LMTK3: variants seen among roughly 807,000 people sequenced by gnomAD.
LMTK3 encodes serine/threonine-protein kinase LMTK3.
In LMTK3, 27 loss-of-function variants were observed where a neutral mutation model predicts 116.7. That is an observed-to-expected ratio of 0.23 (90% CI 0.17 to 0.32). LMTK3 has a LOEUF of 0.32. Among genes scored for constraint, LMTK3 ranks in the 10% least tolerant of loss-of-function variants. LMTK3 has a pLI of 1.00. For missense variants in LMTK3, 1,764 were observed against 2,068.5 expected (o/e 0.85, Z 2.86); for synonymous variants, 965 against 971.0 (o/e 0.99, Z 0.11).
chr19:48,499,105 C>T lies in LMTK3; in HGVS notation c.1964G>A (p.Ser655Asn). ...EEGSSPGEDS[S>N]SLGGGPSRRG... is the part of the protein sequence containing the mutation. ...GCGGCTTGGGCCACCTCCAAGGCTG[C>T]TGCTGTCTTCCCCTGGGGAGCTGCC... The change falls in exon 11 of 15, where the codon AGC (serine) becomes AAC (asparagine). Residue 655 changes from serine (S) to asparagine (N), a missense_variant. Ser to Asn is a conservative substitution (Grantham distance 46). Around this residue, in one of 7 missense-constraint regions of LMTK3, gnomAD observed 1,028 missense variants for 1,050.6 expected, o/e 0.98. Coordinates refer to ENST00000600059, the MANE Select transcript of LMTK3 (RefSeq NM_001388485.1). The T allele has an allele frequency of 6.4e-7, 1 of 1,557,840 alleles. No homozygotes were observed. Among genetic ancestry groups the T allele is most frequent in the Non-Finnish European group, 8.6e-7 (1 of 1,156,568 alleles).
In LMTK3 at chr19:48,498,782, G is replaced by A; in HGVS notation, c.2287C>T (p.Pro763Ser). 2.2e-6 allele frequency: 3 copies of A among 1,366,274 alleles called. No homozygotes were observed. Among genetic ancestry groups the A allele is most frequent in the South Asian group, 3.1e-5 (2 of 63,832 alleles). 84.6% of individuals were successfully genotyped at this position (1,366,274 alleles called of 1,614,324 possible). A position where few individuals can be genotyped will look rare whatever the true frequency, so the allele number is the denominator to read the frequency against. Residue 763 changes from proline (P) to serine (S), a missense_variant, in exon 11 of 15, where the codon CCC becomes TCC. Pro to Ser is a moderately conservative substitution (Grantham distance 74). This residue lies in a region of LMTK3 where 1,028 missense variants were observed against 1,050.6 expected (regional missense o/e 0.98). Transcript: ENST00000600059. ...PPPPPPPPRAPADPAASPDPP... is the reference protein window; with the variant it reads ...PPPPPPPPRASADPAASPDPP... ...TCGGGGGACGCGGCCGGGTCCGCGG[G>A]GGCCCGAGGAGGTGGCGGCGGGGGG...
chr19:48,503,789 T>TTCTCTC (rs148406252), intron 5 of LMTK3, among the ~76,000 whole-genome samples: 24 of 149,608 alleles, frequency 1.6e-4, no homozygotes, highest in African/African-American at 5.4e-4. Context: ...ACCTACAGTT[T>TTCTCTC]TCTCTCTCTC....
chr19:48,495,046 G>A (rs1050966644), intron 11 of LMTK3, among the ~76,000 whole-genome samples: 2 of 150,812 alleles, frequency 1.3e-5, no homozygotes, highest in African/African-American at 2.4e-5. Flanking sequence ...TCTTGCTCTC[G>A]TCGCCCAGGC....
Position 48,494,967 on chromosome 19 carries a change from A to G in LMTK3, c.3677-858T>C, listed in dbSNP as rs918163184. Among the ~76,000 whole-genome samples the G allele has an allele frequency of 6.6e-6, 1 of 151,196 alleles. No homozygotes were observed. The highest frequency in any genetic ancestry group is 1.5e-5 in the Non-Finnish European group (1 of 67,866). On this transcript the variant is annotated intron_variant, in intron 11 of 14. Transcript: ENST00000600059. This position sits in a 1 kb window ranked among gnomAD's most constrained non-coding sequence, Gnocchi z 4.0. ...CACACTTTTGTTGACCAGACATCTC[A>G]GGGTGATGGGGTTATGGGCGATGCT...
upstream of LMTK3, among the ~76,000 whole-genome samples, chr19:48,512,648 A>G (rs1159035996): frequency 6.6e-6 from 1 of 152,082 alleles, no homozygotes; most frequent in Non-Finnish European, 1.5e-5. Flanking sequence ...CATCACATAC[A>G]TGAGTACACA....
rs1434425294 is a variant in LMTK3, at chr19:48,493,994, C to T, written c.3792G>A (p.Glu1264=). 1 of 1,081,464 alleles carries T rather than the reference C, an allele frequency of 9.2e-7. No individual in the cohort carries two copies. The highest frequency in any genetic ancestry group is 5.3e-5 in the Admixed American group (1 of 18,934). 67.0% of individuals were successfully genotyped at this position (1,081,464 alleles called of 1,614,324 possible). A position where few individuals can be genotyped will look rare whatever the true frequency, so the allele number is the denominator to read the frequency against. ...GCCCCGGCGCTCCCGCCCCGCCGGCCTCCCCGCCAGCCGCCCCGGCGTCCG... is the reference window on the plus strand; with the variant it reads ...GCCCCGGCGCTCCCGCCCCGCCGGCTTCCCCGCCAGCCGCCCCGGCGTCCG... ...EGADAGAAGG[E]AGGAGAPGPA... The change falls in exon 12 of 15, where the codon GAG becomes GAA. Residue 1264 remains glutamate (E), a synonymous_variant. Coordinates refer to ENST00000600059, the MANE Select transcript of LMTK3 (RefSeq NM_001388485.1).
intron 7 of LMTK3, among the ~76,000 whole-genome samples, chr19:48,502,230 G>A (rs1252040492): frequency 6.8e-5 from 6 of 88,046 alleles, no homozygotes; most frequent in Admixed American, 5.7e-4. Flanking sequence ...ACCTGACCCC[G>A]CCTCCCTCTC....
Position 48,498,420 on chromosome 19 carries a change from C to T in LMTK3, c.2649G>A (p.Arg883=). The T allele has an allele frequency of 6.2e-7, 1 of 1,608,236 alleles. No individual in the cohort carries two copies. The highest frequency in any genetic ancestry group is 2.2e-5 in the East Asian group (1 of 44,630). The stretch of plus-strand genomic sequence containing the variant: ...TCCCCGCCTTCCTGGGTCCTGTCTC[C>T]CGGGCTGTCGCCCCCTTCTCCCCCA... ...NLLGEKGATA[R]ETGPRKAGRG... is the part of the protein sequence containing the mutation. The change falls in exon 11 of 15, where the codon CGG becomes CGA. Residue 883 remains arginine (R), a synonymous_variant. Transcript: ENST00000600059.
Position 48,498,779 on chromosome 19 carries a change from CG to C in LMTK3, c.2289del (p.Ala764ArgfsTer94). 3.4e-6 allele frequency: 1 copy of C among 296,550 alleles called. No individual in the cohort carries two copies. The highest frequency in any genetic ancestry group is 4.7e-6 in the Non-Finnish European group (1 of 213,740). The allele number at this position is 296,550 out of a possible 1,614,324, so 18.4% of individuals were successfully genotyped here. On this transcript the variant is annotated frameshift_variant, in exon 11 of 15. Transcript: ENST00000600059. LOFTEE classifies it high-confidence loss of function. Reference sequence around the variant, plus strand: ...GGGTCGGGGGACGCGGCCGGGTCCGCGGGGGCCCGAGGAGGTGGCGGCGGGG... The same window carrying C: ...GGGTCGGGGGACGCGGCCGGGTCCGCGGGGCCCGAGGAGGTGGCGGCGGGG... The part of the protein sequence containing the change: ...PPPPPPPPRA[P>X]ADPAASPDPP...
Position 48,493,984 on chromosome 19 carries a change from C to A in LMTK3, c.3802G>T (p.Ala1268Ser). Residue 1268 changes from alanine to serine, a missense_variant, in exon 12 of 15, where the codon GCG becomes TCG. By Grantham distance (99) the Ala-to-Ser change is moderately conservative. Transcript: ENST00000600059. The part of the protein sequence containing the change: ...AGAAGGEAGG[A>S]GAPGPAEEDG... ...TCCTCCGCCGGCCCCGGCGCTCCCG[C>A]CCCGCCGGCCTCCCCGCCAGCCGCC... is the stretch of plus-strand genomic sequence containing the variant. 9.4e-7 allele frequency: 1 copy of A among 1,059,046 alleles called. No individual in the cohort carries two copies. The allele number at this position is 1,059,046 out of a possible 1,614,324, so 65.6% of individuals were successfully genotyped here.
At position 48,498,787 on chromosome 19, in the gene LMTK3, CGAG is replaced by C; in HGVS notation, c.2279_2281del (p.Pro760del). 2 of 648,400 alleles carry C rather than the reference CGAG, an allele frequency of 3.1e-6. No homozygotes were observed. Among genetic ancestry groups the C allele is most frequent in the Non-Finnish European group, 3.9e-6 (2 of 512,308 alleles). The allele number at this position is 648,400 out of a possible 1,614,324, so 40.2% of individuals were successfully genotyped here. On this transcript the variant is annotated inframe_deletion, in exon 11 of 15. Coordinates refer to ENST00000600059, the MANE Select transcript of LMTK3 (RefSeq NM_001388485.1). ...GGACGCGGCCGGGTCCGCGGGGGCC[CGAG>C]GAGGTGGCGGCGGGGGGGGGGGAGC... is the stretch of plus-strand genomic sequence containing the variant.
In LMTK3 at chr19:48,498,778, G is replaced by C. The variant is rs1601048801; in HGVS notation, c.2291C>G (p.Ala764Gly). The stretch of plus-strand genomic sequence containing the variant: ...GGGGTCGGGGGACGCGGCCGGGTCC[G>C]CGGGGGCCCGAGGAGGTGGCGGCGG... ...PPPPPPPRAP[A>G]DPAASPDPPS... The change falls in exon 11 of 15, where the codon GCG becomes GGG. Residue 764 changes from alanine (A) to glycine (G), a missense_variant. By Grantham distance (60) the Ala-to-Gly change is moderately conservative. Transcript: ENST00000600059. The C allele has an allele frequency of 1.4e-6, 2 of 1,396,064 alleles. No individual in the cohort carries two copies. Among genetic ancestry groups the C allele is most frequent in the South Asian group, 2.9e-5 (2 of 69,564 alleles). 86.5% of individuals were successfully genotyped at this position (1,396,064 alleles called of 1,614,324 possible).
chr19:48,511,132 G>T lies in LMTK3; in HGVS notation c.76+369C>A, dbSNP rs952481395. ...AGAGAAGGGAACTCCGCAAGCCCTG[G>T]GTCTCTCCAGAAGCCAGAGACAGCC... On this transcript the variant is annotated intron_variant, in intron 1 of 14. Transcript: ENST00000600059. Among the ~76,000 whole-genome samples the T allele has an allele frequency of 1.1e-4, 17 of 152,236 alleles. No individual in the cohort carries two copies. The East Asian group carries it at 3.3e-3, about 29-fold the overall frequency.
At chr19:48,505,077 C>G (rs915423415) in intron 5 of LMTK3, among the ~76,000 whole-genome samples, 17 of 137,314 alleles carry the variant, frequency 1.2e-4, no homozygotes, top group Admixed American at 3.0e-4. Flanking sequence ...CATTCTCTGA[C>G]AGTTTCTCTC....
chr19:48,511,478 G>A, intron 1 of LMTK3, 23 bp downstream of exon 1: 2 of 1,265,116 alleles, frequency 1.6e-6, no homozygotes, highest in Non-Finnish European at 2.1e-6. Context: ...CCACCGGACA[G>A]ACTGATGGCC....
chr19:48,499,322 T>G lies in LMTK3; in HGVS notation c.1747A>C (p.Thr583Pro). ...GCAGGGAAGAGGGGGGAGGCCCAGGTCTCGGACACCAGCTGGGGGACCTCG... is the reference window on the plus strand; with the variant it reads ...GCAGGGAAGAGGGGGGAGGCCCAGGGCTCGGACACCAGCTGGGGGACCTCG... ...PSEVPQLVSE[T>P]WASPLFPAPR... The change falls in exon 11 of 15, where the codon ACC becomes CCC. Residue 583 changes from threonine (T) to proline (P), a missense_variant. Thr to Pro is a conservative substitution (Grantham distance 38). Around this residue, in one of 7 missense-constraint regions of LMTK3, gnomAD observed 1,028 missense variants for 1,050.6 expected, o/e 0.98. Coordinates refer to ENST00000600059, the MANE Select transcript of LMTK3 (RefSeq NM_001388485.1). 1 of 1,411,418 alleles carries G rather than the reference T, an allele frequency of 7.1e-7. No individual in the cohort carries two copies. Among genetic ancestry groups the G allele is most frequent in the Non-Finnish European group, 9.3e-7 (1 of 1,079,942 alleles). 87.4% of individuals were successfully genotyped at this position (1,411,418 alleles called of 1,614,324 possible). A position where few individuals can be genotyped will look rare whatever the true frequency, so the allele number is the denominator to read the frequency against.
intron 5 of LMTK3, among the ~76,000 whole-genome samples, chr19:48,508,252 A>C (rs1034451477): frequency 2.0e-5 from 3 of 152,184 alleles, no homozygotes; most frequent in African/African-American, 7.2e-5. Flanking sequence ...GCCAAAACCC[A>C]ATGTGTTTCT....
rs1440942057 is a variant in LMTK3 at position 48,485,449 on chromosome 19, C to T, written c.*324G>A. The T allele has an allele frequency of 6.1e-6, 2 of 326,680 alleles. No individual in the cohort carries two copies. Among genetic ancestry groups the T allele is most frequent in the Non-Finnish European group, 1.2e-5 (2 of 173,380 alleles). 20.2% of individuals were successfully genotyped at this position (326,680 alleles called of 1,614,324 possible). A position where few individuals can be genotyped will look rare whatever the true frequency, so the allele number is the denominator to read the frequency against. Reference sequence around the variant, plus strand: ...GGGCCAGGAGTGGGTGAGGAGGGACCTCCGCTGTGTCGAGGGGCTCCAGGC... The same window carrying T: ...GGGCCAGGAGTGGGTGAGGAGGGACTTCCGCTGTGTCGAGGGGCTCCAGGC... On this transcript the variant is annotated 3_prime_UTR_variant, in exon 15 of 15. Coordinates refer to ENST00000600059, the MANE Select transcript of LMTK3 (RefSeq NM_001388485.1).
rs1325256618 is a variant in LMTK3 at position 48,501,357 on chromosome 19, C to G, written c.927G>C (p.Trp309Cys). 6.2e-7 allele frequency: 1 copy of G among 1,613,318 alleles called. No individual in the cohort carries two copies. The highest frequency in any genetic ancestry group is 1.7e-5 in the Admixed American group (1 of 60,008). The change falls in exon 9 of 15, where the codon TGG (tryptophan) becomes TGC (cysteine). Residue 309 changes from tryptophan (W) to cysteine (C), a missense_variant. Coordinates refer to ENST00000600059, the MANE Select transcript of LMTK3 (RefSeq NM_001388485.1). ...GCTCCCCGAGGAGCTCGGGCGCCGC[C>G]CAGCGCAGTGGGATCCACAGGCGCT... ...TPERLWIPLR[W>C]AAPELLGELH...
Sources: allele counts gnomAD v4.1 joint callset (sites outside exome capture counted in the v4.1 genomes callset), GRCh38; gene constraint gnomAD v4.1.1; regional missense constraint gnomAD v4.1.1; non-coding constraint Gnocchi (gnomAD v3.1); transcripts MANE v1.5; gene names NCBI Gene and HGNC (gene_info 2026-07-23, HGNC 2026-07-21).